A2ML1: variants seen among roughly 807,000 people sequenced by gnomAD.
A2ML1 encodes the protein alpha-2-macroglobulin-like protein 1.
A neutral mutation model predicts 181.9 loss-of-function variants in A2ML1; 161 were observed. That is an observed-to-expected ratio of 0.89 (90% CI 0.78 to 1.01). The LOEUF is 1.01. A2ML1 is among the 50% of genes least tolerant of loss of function. A2ML1 has a pLI of 0.00. For synonymous variants in A2ML1, 663 were observed against 666.8 expected (o/e 0.99, Z 0.09); for missense variants, 1,670 against 1,768.1 (o/e 0.94, Z 1.00).
At chr12:8,840,637 C>G (rs1032723753) in intron 10 of A2ML1, among the ~76,000 whole-genome samples, 6 of 151,994 alleles carry the variant, frequency 3.9e-5, no homozygotes, top group Non-Finnish European at 4.4e-5. Context: ...AGGCTGGGCA[C>G]AATGGCTCAT....
chr12:8,879,688 G>C (rs1368371712), downstream of A2ML1, among the ~76,000 whole-genome samples: 1 of 152,118 alleles, frequency 6.6e-6, no homozygotes, highest in Non-Finnish European at 1.5e-5. Flanking sequence ...CTTTATTCTT[G>C]TATCTTTGGG....
chr12:8,851,749 A>C, intron 18 of A2ML1, 35 bp from the exon 19 acceptor site: 1 of 1,605,264 alleles, frequency 6.2e-7, no homozygotes, highest in Non-Finnish European at 8.5e-7. Context: ...GCCCCACGCT[A>C]CCTCTGCCTC....
chr12:8,882,040 G>A (rs899729541), intron 7 of A2ML1, among the ~76,000 whole-genome samples: 7 of 151,954 alleles, frequency 4.6e-5, no homozygotes, highest in Non-Finnish European at 2.9e-5. Context: ...GTTTGAGAAT[G>A]TGTAAGTCCT....
chr12:8,836,484 T>G (rs1943281207), intron 7 of A2ML1, 145 bp downstream of exon 7: 1 of 300,502 alleles, frequency 3.3e-6, no homozygotes, highest in East Asian at 5.3e-5. Context: ...CCAAGACCTT[T>G]TTTTTTTTTT....
intron 7 of A2ML1, 89 bp from the exon 8 acceptor site, chr12:8,837,351 G>A (rs1943316504): frequency 6.5e-7 from 1 of 1,545,924 alleles, no homozygotes; most frequent in Non-Finnish European, 8.8e-7. Context: ...AGAGGCTGGA[G>A]TGTGAGAGGG....
At chr12:8,825,848 G>A (rs1047209053) in intron 3 of A2ML1, among the ~76,000 whole-genome samples, 6 of 152,228 alleles carry the variant, frequency 3.9e-5, no homozygotes, top group Admixed American at 3.3e-4. Flanking sequence ...ATTTATTGAA[G>A]AGCCTGTGCT....
At position 8,852,400 on chromosome 12, in the gene A2ML1, TC is replaced by T; in HGVS notation, c.2590+65del. The T allele has an allele frequency of 6.2e-7, 1 of 1,601,382 alleles. No individual in the cohort carries two copies. The highest frequency in any genetic ancestry group is 8.5e-7 in the Non-Finnish European group (1 of 1,172,908). ...CAGCAGAAGACCAGTGACTGAGCAC[TC>T]AGTCTTTTCCTCTGCCACATCTGCT... On this transcript the variant is annotated intron_variant, in intron 20 of 35. Transcript: ENST00000299698. The surrounding 1 kb of genome is among the most constrained non-coding windows in gnomAD (Gnocchi z 4.2).
chr12:8,840,837 G>A (rs1423618433), intron 10 of A2ML1, among the ~76,000 whole-genome samples: 1 of 151,658 alleles, frequency 6.6e-6, no homozygotes, highest in African/African-American at 2.4e-5. Flanking sequence ...AACCCAGGAG[G>A]TAGAGGTTGC....
chr12:8,865,398 G>GC (rs1056865777), intron 29 of A2ML1, among the ~76,000 whole-genome samples: 1 of 152,142 alleles, frequency 6.6e-6, no homozygotes, highest in African/African-American at 2.4e-5. Flanking sequence ...AATTAGCCAG[G>GC]CGTGGTGGCG....
At chr12:8,838,271 T>C (rs1331297527) in intron 8 of A2ML1, 65 bp from the exon 9 acceptor site, 8 of 1,134,754 alleles carry the variant, frequency 7.0e-6, no homozygotes, top group Non-Finnish European at 1.0e-5. Flanking sequence ...CAGAACATTA[T>C]AAAATGGATG....
At chr12:8,849,030 C>A in intron 16 of A2ML1, 116 bp downstream of exon 16, 1 of 1,176,758 alleles carries the variant, frequency 8.5e-7, no homozygotes, top group Non-Finnish European at 1.2e-6. Context: ...GGAACAAAAT[C>A]TTGAAAGAAG....
chr12:8,854,176 C>T lies in A2ML1; in HGVS notation c.2639C>T (p.Pro880Leu). The T allele has an allele frequency of 6.2e-7, 1 of 1,607,926 alleles. No individual in the cohort carries two copies. The highest frequency in any genetic ancestry group is 8.5e-7 in the Non-Finnish European group (1 of 1,176,870). The change falls in exon 21 of 36, where the codon CCA becomes CTA. Residue 880 changes from proline (P) to leucine (L), a missense_variant. By Grantham distance (98) the Pro-to-Leu change is moderately conservative (BLOSUM62 -3). Coordinates refer to ENST00000299698, the MANE Select transcript of A2ML1 (RefSeq NM_144670.6). ...ACAAAGATTCTGGACAGCAATGAAC[C>T]ATGTGGGGGCCAGAAGGGGTTTGTT... is the stretch of plus-strand genomic sequence containing the variant. ...ISTKILDSNEPCGGQKGFVPQ... is the reference protein window; with the variant it reads ...ISTKILDSNELCGGQKGFVPQ...
At position 8,847,672 on chromosome 12, in the gene A2ML1, C is replaced by T; in HGVS notation, c.1807C>T (p.Pro603Ser). Residue 603 changes from proline to serine, a missense_variant, in exon 15 of 36, where the codon CCA becomes TCA. By Grantham distance (74) the Pro-to-Ser change is moderately conservative (BLOSUM62 -1). Coordinates refer to ENST00000299698, the MANE Select transcript of A2ML1 (RefSeq NM_144670.6). ...GGATGAGAGTGTCTTACTGCTTAGG[C>T]CAGACAGAGAGCTGAGCAACCGCTC... is the stretch of plus-strand genomic sequence containing the variant. ...AVDESVLLLRPDRELSNRSVY... is the reference protein window; with the variant it reads ...AVDESVLLLRSDRELSNRSVY... The T allele has an allele frequency of 6.2e-7, 1 of 1,613,032 alleles. No individual in the cohort carries two copies. Among genetic ancestry groups the T allele is most frequent in the Non-Finnish European group, 8.5e-7 (1 of 1,179,590 alleles).
At chr12:8,879,649 A>G (rs1944851438), downstream of A2ML1, among the ~76,000 whole-genome samples, 1 of 152,262 alleles carries the variant, frequency 6.6e-6, no homozygotes. Context: ...TTATGCGGGC[A>G]GAATACATCT....
chr12:8,839,833 C>T (rs963730557), intron 10 of A2ML1, among the ~76,000 whole-genome samples: 3 of 152,118 alleles, frequency 2.0e-5, no homozygotes, highest in East Asian at 1.9e-4. Context: ...CCGCAACCTC[C>T]ACCTCCCAGG....
In A2ML1 at chr12:8,823,825, C is replaced by T; in HGVS notation, c.352C>T (p.Gln118Ter). The T allele has an allele frequency of 6.2e-7, 1 of 1,614,066 alleles. No individual in the cohort carries two copies. The highest frequency in any genetic ancestry group is 1.1e-5 in the South Asian group (1 of 91,080). The change falls in exon 3 of 36, where the codon CAG (glutamine) becomes TAG (stop). Residue 118 changes from glutamine to a stop codon, truncating the protein, a stop_gained. Transcript: ENST00000299698. LOFTEE classifies it high-confidence loss of function. ...GAAGAAAAAGGTTCTAATTCAGAGG[C>T]AGGGGAACGGCACCTTTGTACAGAC... ...EEKKKVLIQR[Q>*]GNGTFVQTDK...
Position 8,852,405 on chromosome 12 carries a change from C to T in A2ML1, c.2590+69C>T. On this transcript the variant is annotated intron_variant, in intron 20 of 35. Coordinates refer to ENST00000299698, the MANE Select transcript of A2ML1 (RefSeq NM_144670.6). This position sits in a 1 kb window ranked among gnomAD's most constrained non-coding sequence, Gnocchi z 4.2. ...GAAGACCAGTGACTGAGCACTCAGTCTTTTCCTCTGCCACATCTGCTTTGC... is the reference window on the plus strand; with the variant it reads ...GAAGACCAGTGACTGAGCACTCAGTTTTTTCCTCTGCCACATCTGCTTTGC... 1 of 1,594,776 alleles carries T rather than the reference C, an allele frequency of 6.3e-7. No homozygotes were observed. The highest frequency in any genetic ancestry group is 1.3e-5 in the African/African-American group (1 of 74,732).
At chr12:8,838,267 A>G in intron 8 of A2ML1, 69 bp from the exon 9 acceptor site, 1 of 1,093,304 alleles carries the variant, frequency 9.1e-7, no homozygotes, top group South Asian at 1.5e-5. Flanking sequence ...TCTACAGAAC[A>G]TTATAAAATG....
At chr12:8,854,434 C>T (rs1943992415) in intron 21 of A2ML1, among the ~76,000 whole-genome samples, 185 bp downstream of exon 21, 4 of 152,172 alleles carry the variant, frequency 2.6e-5, no homozygotes, top group South Asian at 4.1e-4. Context: ...CACCTAAAAC[C>T]CGGCACCTCA....
Sources: gnomAD v4.1 joint callset for allele counts (sites outside exome capture counted in the v4.1 genomes callset) on GRCh38, gnomAD v4.1.1 for gene constraint, Gnocchi (gnomAD v3.1) non-coding constraint, MANE v1.5 for transcripts, NCBI Gene and HGNC (gene_info 2026-07-23, HGNC 2026-07-21) for gene names.